Variants in KMT5A observed in about 807,000 individuals in gnomAD.
KMT5A encodes N-lysine methyltransferase KMT5A.
A neutral mutation model predicts 40.6 loss-of-function variants in KMT5A; 6 were observed. That is an observed-to-expected ratio of 0.15 (90% CI 0.08 to 0.29). The LOEUF is 0.29. Among genes scored for constraint, KMT5A ranks in the 10% least tolerant of loss-of-function variants. The pLI is 1.00. For synonymous variants in KMT5A, 153 were observed against 178.8 expected (o/e 0.86, Z 1.15); for missense variants, 308 against 459.1 (o/e 0.67, Z 3.01).
chr12:123,396,499 G>A, intron 5 of KMT5A, 67 bp downstream of exon 5: 2 of 1,395,498 alleles, frequency 1.4e-6, no homozygotes, highest in South Asian at 2.3e-5. Context: ...TGCTTGGCGT[G>A]TGCGTATGTG....
At chr12:123,390,933 A>AGT (rs1445701382) in intron 3 of KMT5A, 147 bp downstream of exon 3, 1 of 959,958 alleles carries the variant, frequency 1.0e-6, no homozygotes, top group African/African-American at 1.7e-5. Context: ...TGCTGCTGAA[A>AGT]GAATGGCTTG....
chr12:123,395,274 C>T lies in KMT5A; in HGVS notation c.509+8C>T. ...ACAGGCCCCCCGAAAAAAGTAAGTG[C>T]CCCATTCAGTCCTCTTCCTAACGTG... On this transcript the variant is annotated splice_region_variant and intron_variant, in intron 4 of 7. Transcript: ENST00000402868. 6.2e-7 allele frequency: 1 copy of T among 1,611,222 alleles called. No individual in the cohort carries two copies. The highest frequency in any genetic ancestry group is 8.5e-7 in the Non-Finnish European group (1 of 1,178,764).
chr12:123,393,890 A>C (rs1488115019), intron 3 of KMT5A, among the ~76,000 whole-genome samples: 1 of 151,864 alleles, frequency 6.6e-6, no homozygotes, highest in African/African-American at 2.4e-5. Context: ...GGTTGTTTCC[A>C]CTTTTTGGCT....
At position 123,407,624 on chromosome 12, in the gene KMT5A, C is replaced by T. The variant is rs553535516; in HGVS notation, c.980C>T (p.Ala327Val). ...HLILIASRDI[A>V]AGEELLYDYG... ...ATCCTCATCGCCTCCCGAGACATCG[C>T]GGCTGGGGAGGAGCTCCTGTATGAC... The change falls in exon 8 of 8, where the codon GCG becomes GTG. Residue 327 changes from alanine to valine, a missense_variant. Coordinates refer to ENST00000402868, the MANE Select transcript of KMT5A (RefSeq NM_020382.7). 21 of 1,613,786 alleles carry T rather than the reference C, an allele frequency of 1.3e-5. No individual in the cohort carries two copies. Among genetic ancestry groups the T allele is most frequent in the East Asian group, 2.2e-5 (1 of 44,888 alleles).
chr12:123,406,496 C>T (rs1009670312), intron 7 of KMT5A, among the ~76,000 whole-genome samples: 5 of 151,912 alleles, frequency 3.3e-5, no homozygotes, highest in Non-Finnish European at 1.5e-5. Context: ...GTATTTTTAG[C>T]ACAGACAGCG....
intron 3 of KMT5A, 101 bp downstream of exon 3, chr12:123,390,887 G>A: frequency 7.2e-7 from 1 of 1,384,844 alleles, no homozygotes; most frequent in East Asian, 2.3e-5. Flanking sequence ...AACCTTTTCA[G>A]TCTCAGATTC....
At chr12:123,395,396 TGC>T in intron 4 of KMT5A, 130 bp downstream of exon 4, 1 of 908,548 alleles carries the variant, frequency 1.1e-6, no homozygotes, top group East Asian at 2.6e-5. Context: ...AAGACTCAGA[TGC>T]CCCGAGTCAT....
chr12:123,394,001 G>A (rs1055886812), intron 3 of KMT5A, among the ~76,000 whole-genome samples: 1 of 151,902 alleles, frequency 6.6e-6, no homozygotes, highest in South Asian at 2.1e-4. Context: ...TGGGTCATAT[G>A]GTAACTCTGT....
chr12:123,407,120 T>C (rs1566084187), intron 7 of KMT5A, among the ~76,000 whole-genome samples: 1 of 150,864 alleles, frequency 6.6e-6, no homozygotes. Flanking sequence ...AGAGGATCAC[T>C]TGAGCCCAGG....
At chr12:123,396,054 T>G (rs1192763636) in intron 4 of KMT5A, among the ~76,000 whole-genome samples, 1 of 152,022 alleles carries the variant, frequency 6.6e-6, no homozygotes, top group African/African-American at 2.4e-5. Flanking sequence ...CTGTGTTGCC[T>G]GAGTTGGTCT....
chr12:123,407,402 A>C, intron 7 of KMT5A, 91 bp from the exon 8 acceptor site: 1 of 1,202,972 alleles, frequency 8.3e-7, no homozygotes, highest in Non-Finnish European at 1.2e-6. Flanking sequence ...TTAAATCAGC[A>C]TCCCACCAGA....
chr12:123,386,526 A>AT (rs1876885143), intron 1 of KMT5A, among the ~76,000 whole-genome samples: 1 of 152,062 alleles, frequency 6.6e-6, no homozygotes. Flanking sequence ...AATATTTAGA[A>AT]TTGTAAATAC....
At chr12:123,404,590 G>T (rs1307943876) in intron 6 of KMT5A, among the ~76,000 whole-genome samples, 1 of 152,192 alleles carries the variant, frequency 6.6e-6, no homozygotes, top group Non-Finnish European at 1.5e-5. Context: ...AAATGGGGCA[G>T]TCTCCACCTA....
intron 3 of KMT5A, among the ~76,000 whole-genome samples, chr12:123,391,736 T>C (rs1224230615): frequency 2.0e-5 from 3 of 152,242 alleles, no homozygotes; most frequent in Non-Finnish European, 2.9e-5. Flanking sequence ...TGCTCTCTTC[T>C]AATTAAAACT....
At chr12:123,403,761 A>G (rs1369037489) in intron 6 of KMT5A, 129 bp downstream of exon 6, 7 of 963,718 alleles carry the variant, frequency 7.3e-6, no homozygotes, top group Middle Eastern at 5.6e-4. Context: ...GGCAGACTCT[A>G]TTAGGTTGTC....
chr12:123,407,293 C>A (rs530827193), intron 7 of KMT5A, among the ~76,000 whole-genome samples, 200 bp from the exon 8 acceptor site: 3 of 151,984 alleles, frequency 2.0e-5, no homozygotes, highest in Non-Finnish European at 4.4e-5. Flanking sequence ...GAGCCGTGAT[C>A]GTGCCACTGC....
Position 123,409,110 on chromosome 12 carries a change from T to C in KMT5A, c.*1407T>C, listed in dbSNP as rs948629712. On this transcript the variant is annotated 3_prime_UTR_variant, in exon 8 of 8. Transcript: ENST00000402868. ...ATGAGAGGCTGTCCTCGTCTTTGAT[T>C]CCCCCCCAACCCCACCTCGGGCCTC... 6.6e-6 allele frequency: 1 copy of C among 151,870 alleles called. No individual in the cohort carries two copies. The highest frequency in any genetic ancestry group is 2.4e-5 in the African/African-American group (1 of 41,216). The allele number at this position is 151,870 out of a possible 1,614,324, so 9.4% of individuals were successfully genotyped here. A position where few individuals can be genotyped will look rare whatever the true frequency, so the allele number is the denominator to read the frequency against.
chr12:123,389,566 C>T lies in KMT5A; in HGVS notation c.132+12C>T. On this transcript the variant is annotated intron_variant, in intron 2 of 7. Transcript: ENST00000402868. The stretch of plus-strand genomic sequence containing the variant: ...CCCGCACCGACGGGGTAAGCAGGCA[C>T]CCTCCCCGCACCCCTGCGGCGCGCC... 3 of 1,082,538 alleles carry T rather than the reference C, an allele frequency of 2.8e-6. No homozygotes were observed. Among genetic ancestry groups the T allele is most frequent in the Non-Finnish European group, 3.4e-6 (3 of 893,600 alleles). The allele number at this position is 1,082,538 out of a possible 1,614,324, so 67.1% of individuals were successfully genotyped here. A position where few individuals can be genotyped will look rare whatever the true frequency, so the allele number is the denominator to read the frequency against.
At chr12:123,394,108 T>TC (rs906145287) in intron 3 of KMT5A, among the ~76,000 whole-genome samples, 15 of 146,602 alleles carry the variant, frequency 1.0e-4, no homozygotes, top group East Asian at 3.9e-4. Context: ...TTTTTTCTTT[T>TC]TTTTTTTTTT....
Sources: gnomAD v4.1 joint callset for allele counts (sites outside exome capture counted in the v4.1 genomes callset) on GRCh38, gnomAD v4.1.1 for gene constraint, MANE v1.5 for transcripts, NCBI Gene and HGNC (gene_info 2026-07-23, HGNC 2026-07-21) for gene names.